CLSTN2: variants seen among roughly 807,000 people sequenced by gnomAD.
CLSTN2 encodes calsyntenin-2.
A neutral mutation model predicts 101.2 loss-of-function variants in CLSTN2; 48 were observed. The observed-to-expected ratio is 0.47, with a 90% CI of 0.38 to 0.60. The LOEUF is 0.60. Among genes scored for constraint, CLSTN2 ranks in the 20% least tolerant of loss-of-function variants. The probability of loss-of-function intolerance (pLI) is 0.00; values close to 1 mark genes in which losing one functional copy is unlikely to be tolerated. For missense variants in CLSTN2, 1,160 were observed against 1,238.2 expected (o/e 0.94, Z 0.95); for synonymous variants, 481 against 463.6 (o/e 1.04, Z -0.48).
intron 8 of CLSTN2, among the ~76,000 whole-genome samples, chr3:140,478,712 G>A (rs910833415): frequency 6.6e-6 from 1 of 150,916 alleles, no homozygotes; most frequent in Non-Finnish European, 1.5e-5. Context: ...CACTTACAAC[G>A]AGTGAATCTT....
intron 2 of CLSTN2, among the ~76,000 whole-genome samples, chr3:140,344,164 C>T (rs114898613): frequency 0.016 from 2,422 of 152,258 alleles, 62 homozygotes; most frequent in African/African-American, 0.056. Flanking sequence ...CAACAGTAAG[C>T]ATTTATTTAC....
At chr3:140,204,263 C>T (rs746784599) in intron 2 of CLSTN2, among the ~76,000 whole-genome samples, 7 of 152,118 alleles carry the variant, frequency 4.6e-5, no homozygotes, top group Non-Finnish European at 1.0e-4. Context: ...CATGTTTTGG[C>T]CTAGAGAGGC....
intron 2 of CLSTN2, among the ~76,000 whole-genome samples, chr3:140,191,936 T>A (rs2010571264): frequency 6.6e-6 from 1 of 151,856 alleles, no homozygotes; most frequent in African/African-American, 2.4e-5. Context: ...GGTGGGAGCT[T>A]TGATTATTGA....
intron 2 of CLSTN2, among the ~76,000 whole-genome samples, chr3:140,311,598 G>A (rs1006769683): frequency 8.6e-5 from 13 of 151,442 alleles, no homozygotes; most frequent in Non-Finnish European, 1.5e-4. Flanking sequence ...GAGCCACCGC[G>A]CCCGGCCAGA....
At chr3:140,181,322 T>G (rs191847039) in intron 2 of CLSTN2, among the ~76,000 whole-genome samples, 1 of 152,348 alleles carries the variant, frequency 6.6e-6, no homozygotes, top group East Asian at 1.9e-4. Context: ...ATCATAGCAA[T>G]GATAATAATG....
At chr3:140,398,920 T>C (rs1483176944) in intron 2 of CLSTN2, among the ~76,000 whole-genome samples, 2 of 152,202 alleles carry the variant, frequency 1.3e-5, no homozygotes, top group East Asian at 3.9e-4. Context: ...AGATACCTGC[T>C]CACAGGACTG....
At chr3:140,513,874 A>G (rs1338791747) in intron 8 of CLSTN2, among the ~76,000 whole-genome samples, 2 of 151,616 alleles carry the variant, frequency 1.3e-5, no homozygotes, top group Non-Finnish European at 3.0e-5. Flanking sequence ...GATCTAGTGT[A>G]TGTGCATACT....
chr3:140,553,493 A>G (rs764634953), intron 10 of CLSTN2, among the ~76,000 whole-genome samples: 1 of 152,224 alleles, frequency 6.6e-6, no homozygotes, highest in Non-Finnish European at 1.5e-5. Flanking sequence ...AAGATGCCTT[A>G]TGACCTTGGG....
At chr3:140,104,784 G>A (rs966213147) in intron 1 of CLSTN2, among the ~76,000 whole-genome samples, 2 of 152,204 alleles carry the variant, frequency 1.3e-5, no homozygotes, top group Non-Finnish European at 2.9e-5. Flanking sequence ...GACCAGCCTG[G>A]CCAACATGAT....
chr3:140,420,967 A>G (rs1576558049), intron 4 of CLSTN2, among the ~76,000 whole-genome samples, 158 bp from the exon 5 acceptor site: 3 of 152,254 alleles, frequency 2.0e-5, no homozygotes, highest in Admixed American at 2.0e-4. Context: ...GCACGCTACA[A>G]GTGGAGCCAT....
chr3:140,153,875 C>G (rs2009907906), intron 1 of CLSTN2, among the ~76,000 whole-genome samples: 1 of 152,120 alleles, frequency 6.6e-6, no homozygotes, highest in Admixed American at 6.5e-5. Context: ...AGGGGATCTA[C>G]AAGAAGAGAG....
chr3:140,528,636 C>CAAAAAAA (rs3057900), intron 8 of CLSTN2, among the ~76,000 whole-genome samples: 36 of 148,978 alleles, frequency 2.4e-4, no homozygotes, highest in African/African-American at 6.1e-4. Flanking sequence ...GTGCCTCTGA[C>CAAAAAAA]AAAAAAAAGA....
chr3:140,245,794 A>G (rs2086510847), intron 2 of CLSTN2, among the ~76,000 whole-genome samples: 1 of 152,226 alleles, frequency 6.6e-6, no homozygotes, highest in Non-Finnish European at 1.5e-5. Context: ...GAAAGGTGCC[A>G]GTCTTCCTGA....
intron 8 of CLSTN2, among the ~76,000 whole-genome samples, chr3:140,517,989 G>A (rs758575893): frequency 5.9e-5 from 9 of 152,062 alleles, no homozygotes; most frequent in South Asian, 2.1e-4. Context: ...CCGTGGATGC[G>A]GCTTGCTGTG....
intron 2 of CLSTN2, among the ~76,000 whole-genome samples, chr3:140,179,789 A>G (rs2010381263): frequency 6.6e-6 from 1 of 152,134 alleles, no homozygotes; most frequent in Admixed American, 6.6e-5. Flanking sequence ...TCTAGAGTTT[A>G]CCATTCTCTG....
intron 1 of CLSTN2, among the ~76,000 whole-genome samples, chr3:140,113,958 G>A (rs926498803): frequency 5.9e-5 from 9 of 152,322 alleles, no homozygotes; most frequent in Admixed American, 5.9e-4. Flanking sequence ...AGCTCTGTGG[G>A]ATAACTGTGT....
At chr3:140,262,467 T>C (rs887215317) in intron 2 of CLSTN2, among the ~76,000 whole-genome samples, 1 of 139,882 alleles carries the variant, frequency 7.1e-6, no homozygotes, top group Non-Finnish European at 1.5e-5. Flanking sequence ...GAAATGAAAT[T>C]ATTTTTTATG....
chr3:140,064,380 T>G (rs1008363336), intron 1 of CLSTN2, among the ~76,000 whole-genome samples: 1 of 152,210 alleles, frequency 6.6e-6, no homozygotes, highest in Non-Finnish European at 1.5e-5. Flanking sequence ...AGGTTCTTAC[T>G]CTATAAAAAG....
chr3:140,459,817 C>T (rs757688859), intron 7 of CLSTN2, 48 bp downstream of exon 7: 2 of 1,604,258 alleles, frequency 1.2e-6, no homozygotes, highest in African/African-American at 2.7e-5. Flanking sequence ...CAGCAGCTGC[C>T]CATTTTGTCA....
Sources: gnomAD v4.1 joint callset for allele counts (sites outside exome capture counted in the v4.1 genomes callset) on GRCh38, gnomAD v4.1.1 for gene constraint, MANE v1.5 for transcripts, NCBI Gene and HGNC (gene_info 2026-07-23, HGNC 2026-07-21) for gene names.